The following TRIM60 variants were observed in gnomAD, a reference collection of about 807,000 sequenced individuals.
The protein encoded by TRIM60 is tripartite motif containing 60.
For missense variants in TRIM60, 524 were observed against 540.8 expected (o/e 0.97, Z 0.31); for synonymous variants, 189 against 195.2 (o/e 0.97, Z 0.27).
At chr4:165,033,992 C>T (rs2111206809) in intron 1 of TRIM60, among the ~76,000 whole-genome samples, 1 of 152,244 alleles carries the variant, frequency 6.6e-6, no homozygotes, top group Non-Finnish European at 1.5e-5. Context: ...ATGTTTATAG[C>T]TTGGACTGAG....
chr4:165,032,934 C>T (rs960958578), intron 1 of TRIM60, among the ~76,000 whole-genome samples: 1 of 152,004 alleles, frequency 6.6e-6, no homozygotes, highest in Non-Finnish European at 1.5e-5. Flanking sequence ...CACCTGTAAC[C>T]CCATGAGGAG....
At chr4:165,032,441 G>A (rs1733524706) in intron 1 of TRIM60, among the ~76,000 whole-genome samples, 1 of 152,174 alleles carries the variant, frequency 6.6e-6, no homozygotes, top group Non-Finnish European at 1.5e-5. Flanking sequence ...TAGAGACGAG[G>A]TTTCTCCATG....
rs1733742450 is a variant in TRIM60 at position 165,040,798 on chromosome 4, G to A, written c.726G>A (p.Val242=). The change falls in exon 3 of 3, where the codon GTG becomes GTA. Residue 242 remains valine, a synonymous_variant. Transcript: ENST00000512596. ...TGAGGGAGGTAGAGGGCAAGTCTGT[G>A]CAGTCAAACCTGGAATTACTGACAC... ...HLLREVEGKS[V]QSNLELLTQA... is the part of the protein sequence containing the mutation. 6.2e-7 allele frequency: 1 copy of A among 1,614,176 alleles called. No individual in the cohort carries two copies. Among genetic ancestry groups the A allele is most frequent in the Non-Finnish European group, 8.5e-7 (1 of 1,180,022 alleles).
chr4:165,039,732 A>G (rs1733705967), intron 2 of TRIM60: 1 of 152,482 alleles, frequency 6.6e-6, no homozygotes, highest in African/African-American at 2.7e-5. Context: ...CGGGAAGCGG[A>G]GCTTGCAGTG....
In TRIM60 at chr4:165,040,692, A is replaced by G; in HGVS notation, c.620A>G (p.Asp207Gly). 1 of 1,613,880 alleles carries G rather than the reference A, an allele frequency of 6.2e-7. No homozygotes were observed. Among genetic ancestry groups the G allele is most frequent in the Non-Finnish European group, 8.5e-7 (1 of 1,179,948 alleles). ...EQEMILRQIQ[D>G]EEMNILAKLN... is the part of the protein sequence containing the mutation. ...GAGATGATTCTTAGGCAGATACAAG[A>G]TGAAGAGATGAACATTTTAGCAAAA... is the stretch of plus-strand genomic sequence containing the variant. The change falls in exon 3 of 3, where the codon GAT becomes GGT. Residue 207 changes from aspartate to glycine, a missense_variant. By Grantham distance (94) the Asp-to-Gly change is moderately conservative (BLOSUM62 -1). Transcript: ENST00000512596.
chr4:165,040,370 C>A lies in TRIM60; in HGVS notation c.298C>A (p.His100Asn). The change falls in exon 3 of 3, where the codon CAC becomes AAC. Residue 100 changes from histidine (H) to asparagine (N), a missense_variant. By Grantham distance (68) the His-to-Asn change is moderately conservative (BLOSUM62 1). Transcript: ENST00000512596. ...RQKENAMCEK[H>N]NQFLTLFCVK... Reference sequence around the variant, plus strand: ...GAAAGAGAATGCCATGTGTGAAAAACACAACCAGTTTCTGACCCTCTTCTG... The same window carrying A: ...GAAAGAGAATGCCATGTGTGAAAAAAACAACCAGTTTCTGACCCTCTTCTG... 5.0e-6 allele frequency: 8 copies of A among 1,614,208 alleles called. No individual in the cohort carries two copies. Among genetic ancestry groups the A allele is most frequent in the Non-Finnish European group, 6.8e-6 (8 of 1,180,030 alleles).
rs114326219 is a variant in TRIM60 at position 165,035,141 on chromosome 4, T to C, written c.-57+3029T>C. Among the ~76,000 whole-genome samples, 333 of 152,308 alleles carry C rather than the reference T, an allele frequency of 2.2e-3. 2 individuals carry two copies. Among genetic ancestry groups the C allele is most frequent in the African/African-American group, 7.6e-3 (318 of 41,576 alleles). ...GTATAATGGCACAATCATGACTCAC[T>C]GAAGCCTTGAACTCCTGGGCTCAAG... On this transcript the variant is annotated intron_variant, in intron 1 of 2. Coordinates refer to ENST00000512596, the MANE Select transcript of TRIM60 (RefSeq NM_152620.3).
intron 1 of TRIM60, among the ~76,000 whole-genome samples, chr4:165,035,001 C>T (rs1733589740): frequency 6.6e-6 from 1 of 152,112 alleles, no homozygotes; most frequent in Non-Finnish European, 1.5e-5. Flanking sequence ...TTAGTATCCC[C>T]AAGACCACCC....
chr4:165,033,329 G>T (rs191148632), intron 1 of TRIM60, among the ~76,000 whole-genome samples: 1 of 152,156 alleles, frequency 6.6e-6, no homozygotes, highest in South Asian at 2.1e-4. Flanking sequence ...TTGAACACAC[G>T]TTGTACACCA....
At chr4:165,036,741 C>T (rs1733630721) in intron 1 of TRIM60, among the ~76,000 whole-genome samples, 1 of 151,796 alleles carries the variant, frequency 6.6e-6, no homozygotes, top group Non-Finnish European at 1.5e-5. Flanking sequence ...ATTAGCCGGT[C>T]ATGGTGGCAG....
chr4:165,039,321 C>T (rs549467308), intron 2 of TRIM60, 69 bp downstream of exon 2: 1 of 152,100 alleles, frequency 6.6e-6, no homozygotes, highest in South Asian at 2.1e-4. Context: ...GAATATCATT[C>T]CCCCATAAAA....
At chr4:165,035,071 T>A (rs2111208401) in intron 1 of TRIM60, among the ~76,000 whole-genome samples, 1 of 152,304 alleles carries the variant, frequency 6.6e-6, no homozygotes, top group Non-Finnish European at 1.5e-5. Flanking sequence ...TTTGAGGTTA[T>A]AACTTAATTT....
chr4:165,039,899 G>A lies in TRIM60; in HGVS notation c.-4-170G>A, dbSNP rs149649315. ...TTATTATCCTCCAAGCTAAGGAGCAGTGGACTAAACAAGACTTCAGTGGGT... is the reference window on the plus strand; with the variant it reads ...TTATTATCCTCCAAGCTAAGGAGCAATGGACTAAACAAGACTTCAGTGGGT... On this transcript the variant is annotated intron_variant, in intron 2 of 2. Coordinates refer to ENST00000512596, the MANE Select transcript of TRIM60 (RefSeq NM_152620.3). Among the ~76,000 whole-genome samples the A allele has an allele frequency of 3.5e-4, 54 of 152,198 alleles. 1 individual carries two copies. In the Middle Eastern group the frequency reaches 0.017, roughly 48 times the overall value.
chr4:165,036,642 A>T (rs1733629007), intron 1 of TRIM60, among the ~76,000 whole-genome samples: 1 of 152,086 alleles, frequency 6.6e-6, no homozygotes, highest in Non-Finnish European at 1.5e-5. Context: ...TCACTTTGAG[A>T]CACTGAGGCA....
intron 1 of TRIM60, among the ~76,000 whole-genome samples, chr4:165,035,675 G>A (rs1733605478): frequency 6.6e-6 from 1 of 151,654 alleles, no homozygotes; most frequent in South Asian, 2.1e-4. Flanking sequence ...AAACCTCATT[G>A]TTTGTATAAA....
intron 1 of TRIM60, among the ~76,000 whole-genome samples, chr4:165,033,897 G>A (rs993544551): frequency 6.6e-6 from 1 of 152,198 alleles, no homozygotes; most frequent in Admixed American, 6.5e-5. Flanking sequence ...GGCACTTAAG[G>A]AAGTCAGGCC....
chr4:165,039,044 A>G (rs1052961447), intron 1 of TRIM60, among the ~76,000 whole-genome samples, 157 bp from the exon 2 acceptor site: 4 of 152,126 alleles, frequency 2.6e-5, no homozygotes, highest in Admixed American at 2.6e-4. Flanking sequence ...CCTGGGTGGC[A>G]GCGAAACTCC....
At chr4:165,038,103 G>C (rs1733665273) in intron 1 of TRIM60, among the ~76,000 whole-genome samples, 1 of 152,116 alleles carries the variant, frequency 6.6e-6, no homozygotes, top group South Asian at 2.1e-4. Context: ...ATGAGCAGCA[G>C]ATAGGATTTG....
chr4:165,039,957 C>A, intron 2 of TRIM60, 112 bp from the exon 3 acceptor site: 1 of 811,168 alleles, frequency 1.2e-6, no homozygotes, highest in Non-Finnish European at 1.9e-6. Flanking sequence ...GAAACCTAAA[C>A]CTGATCAATC....
Sources: allele counts gnomAD v4.1 joint callset (sites outside exome capture counted in the v4.1 genomes callset), GRCh38; gene constraint gnomAD v4.1.1; transcripts MANE v1.5; gene names NCBI Gene and HGNC (gene_info 2026-07-23, HGNC 2026-07-21).